CTNNA3: variants seen among roughly 807,000 people sequenced by gnomAD.
CTNNA3 encodes catenin alpha 3.
In CTNNA3, 76 loss-of-function variants were observed where a neutral mutation model predicts 95.7. That is an observed-to-expected ratio of 0.79 (90% confidence interval 0.66 to 0.96). The LOEUF (loss-of-function observed/expected upper bound fraction) is 0.96. Ranked by LOEUF, CTNNA3 falls within the 40% of genes least tolerant of loss-of-function variation. The probability of loss-of-function intolerance (pLI) is 0.00; values close to 1 mark genes in which losing one functional copy is unlikely to be tolerated. For synonymous variants in CTNNA3, 431 were observed against 374.4 expected (o/e 1.15, Z -1.74); for missense variants, 1,191 against 1,089.8 (o/e 1.09, Z -1.31).
rs568405898 is a variant in CTNNA3, at chr10:65,973,036, G to T, written c.2266-6290C>A. 2.6e-5 allele frequency among the ~76,000 whole-genome samples: 4 copies of T among 152,062 alleles called. No homozygotes were observed. The South Asian group carries it at 8.3e-4, about 32-fold the overall frequency. The stretch of plus-strand genomic sequence containing the variant: ...ACACAGGCTGATGGGACAGAATAGA[G>T]AACACAGAAATAAAGCTGCACAACT... On this transcript the variant is annotated intron_variant, in intron 16 of 17. Coordinates refer to ENST00000433211, the MANE Select transcript of CTNNA3 (RefSeq NM_013266.4).
intron 1 of CTNNA3, among the ~76,000 whole-genome samples, chr10:67,727,320 A>G (rs1841240893): frequency 7.5e-6 from 1 of 132,900 alleles, no homozygotes; most frequent in African/African-American, 2.7e-5. Flanking sequence ...ATGATATATT[A>G]TATATTTATA....
At chr10:67,487,847 A>G (rs192282359) in intron 5 of CTNNA3, among the ~76,000 whole-genome samples, 44 of 152,238 alleles carry the variant, frequency 2.9e-4, no homozygotes, top group Admixed American at 2.9e-3. Flanking sequence ...CCTCACCCCT[A>G]GGTACCACAG....
intron 13 of CTNNA3, among the ~76,000 whole-genome samples, chr10:66,252,304 A>G (rs1354160931): frequency 6.6e-6 from 1 of 152,166 alleles, no homozygotes. Flanking sequence ...TTATTTGCCT[A>G]GGCATCAAAT....
At chr10:67,514,039 A>T (rs1156665672) in intron 5 of CTNNA3, among the ~76,000 whole-genome samples, 1 of 152,198 alleles carries the variant, frequency 6.6e-6, no homozygotes, top group Non-Finnish European at 1.5e-5. Flanking sequence ...GGCCAGGCAC[A>T]GTAGTTCATG....
At chr10:66,772,154 G>A (rs965201181) in intron 8 of CTNNA3, among the ~76,000 whole-genome samples, 1 of 152,108 alleles carries the variant, frequency 6.6e-6, no homozygotes, top group Non-Finnish European at 1.5e-5. Context: ...GGCCAGGCCT[G>A]GTGGCTCACA....
intron 5 of CTNNA3, among the ~76,000 whole-genome samples, chr10:67,502,531 G>C (rs1839266889): frequency 6.6e-6 from 1 of 152,182 alleles, no homozygotes; most frequent in Non-Finnish European, 1.5e-5. Flanking sequence ...TTCAGAGCTG[G>C]CAGATGGAAT....
chr10:67,727,675 T>C (rs1247003772), intron 1 of CTNNA3, among the ~76,000 whole-genome samples: 1 of 127,830 alleles, frequency 7.8e-6, no homozygotes, highest in South Asian at 2.2e-4. Flanking sequence ...TAATATAATA[T>C]ATAAATATAT....
intron 5 of CTNNA3, among the ~76,000 whole-genome samples, chr10:67,248,381 T>C (rs141448180): frequency 3.0e-3 from 460 of 152,234 alleles, no homozygotes; most frequent in Non-Finnish European, 4.8e-3. Flanking sequence ...CTAGGGCAAC[T>C]GGATTCTTTT....
At chr10:66,055,542 A>T (rs957623836) in intron 15 of CTNNA3, among the ~76,000 whole-genome samples, 1 of 152,052 alleles carries the variant, frequency 6.6e-6, no homozygotes, top group African/African-American at 2.4e-5. Flanking sequence ...TAGAAATGCT[A>T]CTGGTTTTTA....
chr10:66,909,829 T>C (rs754896223), intron 7 of CTNNA3, among the ~76,000 whole-genome samples: 20 of 152,188 alleles, frequency 1.3e-4, no homozygotes, highest in Non-Finnish European at 1.0e-4. Context: ...ATGATAATGA[T>C]ATAGCCATTA....
At chr10:66,416,331 A>G (rs1302302637) in intron 11 of CTNNA3, among the ~76,000 whole-genome samples, 1 of 152,160 alleles carries the variant, frequency 6.6e-6, no homozygotes, top group African/African-American at 2.4e-5. Flanking sequence ...GTGATAAAAT[A>G]TATAAATTAT....
intron 3 of CTNNA3, among the ~76,000 whole-genome samples, chr10:67,559,189 A>T (rs748273631): frequency 4.0e-4 from 61 of 152,234 alleles, no homozygotes; most frequent in Non-Finnish European, 7.5e-4. Flanking sequence ...TGCCTCCTCA[A>T]GTGGGTCTCT....
intron 5 of CTNNA3, among the ~76,000 whole-genome samples, chr10:67,474,270 A>C (rs1447754652): frequency 1.3e-5 from 2 of 152,196 alleles, no homozygotes; most frequent in African/African-American, 4.8e-5. Flanking sequence ...GTATTTTGAG[A>C]TAAGGCCTTT....
At chr10:67,015,891 T>C (rs999540169) in intron 7 of CTNNA3, among the ~76,000 whole-genome samples, 2 of 152,138 alleles carry the variant, frequency 1.3e-5, no homozygotes, top group African/African-American at 4.8e-5. Context: ...GTATCTATGC[T>C]TGTGACTTTG....
intron 3 of CTNNA3, among the ~76,000 whole-genome samples, chr10:67,596,268 T>C (rs1842929615): frequency 6.6e-6 from 1 of 152,190 alleles, no homozygotes; most frequent in Non-Finnish European, 1.5e-5. Context: ...GGTAATAGTC[T>C]TTTGTTTCCA....
At chr10:67,232,927 A>T (rs1189805881) in intron 5 of CTNNA3, among the ~76,000 whole-genome samples, 1 of 152,180 alleles carries the variant, frequency 6.6e-6, no homozygotes, top group African/African-American at 2.4e-5. Context: ...CCATTACATA[A>T]CGGTAAAGGG....
chr10:67,726,288 A>G (rs1334175486), intron 1 of CTNNA3, among the ~76,000 whole-genome samples: 29 of 99,242 alleles, frequency 2.9e-4, no homozygotes, highest in South Asian at 1.3e-3. Flanking sequence ...TATATTACAT[A>G]TTATATATGA....
At chr10:67,200,457 A>C (rs1863595881) in intron 6 of CTNNA3, among the ~76,000 whole-genome samples, 1 of 152,228 alleles carries the variant, frequency 6.6e-6, no homozygotes, top group Admixed American at 6.5e-5. Context: ...CTTGGTTGAT[A>C]CTGCCTCTGC....
At chr10:66,307,326 T>C (rs2091948761) in intron 12 of CTNNA3, among the ~76,000 whole-genome samples, 2 of 152,228 alleles carry the variant, frequency 1.3e-5, no homozygotes, top group Admixed American at 6.5e-5. Flanking sequence ...ATCATTATAG[T>C]ATCTGGAAAA....
Sources: gnomAD v4.1 joint callset for allele counts (sites outside exome capture counted in the v4.1 genomes callset) on GRCh38, gnomAD v4.1.1 for gene constraint, MANE v1.5 for transcripts, NCBI Gene and HGNC (gene_info 2026-07-23, HGNC 2026-07-21) for gene names.